NDUFV3: variants seen among roughly 807,000 people sequenced by gnomAD.
The protein encoded by NDUFV3 is NADH:ubiquinone oxidoreductase subunit V3, also known as NADH dehydrogenase [ubiquinone] flavoprotein 3, mitochondrial.
A neutral mutation model predicts 37.5 loss-of-function variants in NDUFV3; 44 were observed. That is an observed-to-expected ratio of 1.17 (90% CI 0.92 to 1.51). NDUFV3 has a LOEUF of 1.51. Ranked by LOEUF, NDUFV3 falls within the 40% of genes most tolerant of loss-of-function variation. NDUFV3 has a pLI of 0.00. For missense variants in NDUFV3, 580 were observed against 580.4 expected (o/e 1.00, Z 0.01); for synonymous variants, 235 against 239.3 (o/e 0.98, Z 0.17).
At chr21:42,904,386 A>G in intron 3 of NDUFV3, 110 bp downstream of exon 3, 1 of 1,454,686 alleles carries the variant, frequency 6.9e-7, no homozygotes, top group South Asian at 1.2e-5. Context: ...CAAATTCTGT[A>G]CTAGAAATAT....
At chr21:42,901,836 A>T (rs193079527) in intron 2 of NDUFV3, among the ~76,000 whole-genome samples, 72 of 152,328 alleles carry the variant, frequency 4.7e-4, no homozygotes, top group African/African-American at 1.6e-3. Context: ...ATTTGAACCC[A>T]GGCATTCTGG....
At chr21:42,896,853 A>G in intron 1 of NDUFV3, 74 bp from the exon 2 acceptor site, 9 of 1,444,792 alleles carry the variant, frequency 6.2e-6, no homozygotes, top group Non-Finnish European at 7.7e-6. Context: ...AAATATATAT[A>G]TATATTCATA....
intron 2 of NDUFV3, among the ~76,000 whole-genome samples, chr21:42,897,740 A>G (rs1329218850): frequency 2.6e-5 from 4 of 151,534 alleles, no homozygotes; most frequent in Admixed American, 6.6e-5. Flanking sequence ...GCAGTGGCGC[A>G]ATCTCGGCTC....
chr21:42,894,389 A>G (rs1176358556), intron 1 of NDUFV3, among the ~76,000 whole-genome samples: 1 of 34,182 alleles, frequency 2.9e-5, no homozygotes, highest in Non-Finnish European at 4.8e-5. Context: ...ATATGTAAAT[A>G]TATATTATAT....
At position 42,903,638 on chromosome 21, in the gene NDUFV3, C is replaced by T. The variant is rs1262058336; in HGVS notation, c.626C>T (p.Thr209Ile). Residue 209 changes from threonine (T) to isoleucine (I), a missense_variant, in exon 3 of 4, where the codon ACC becomes ATC. Thr to Ile is a moderately conservative substitution (Grantham distance 89). Coordinates refer to ENST00000354250, the MANE Select transcript of NDUFV3 (RefSeq NM_021075.4). ...GTTACAGTATCAGCAAAAGAGAAAA[C>T]CTTGCTGCAGAAGCCGCATGTGGAC... is the stretch of plus-strand genomic sequence containing the variant. ...PRVTVSAKEK[T>I]LLQKPHVDIT... 1.9e-6 allele frequency: 3 copies of T among 1,613,956 alleles called. No individual in the cohort carries two copies. The highest frequency in any genetic ancestry group is 2.5e-6 in the Non-Finnish European group (3 of 1,180,010).
intron 2 of NDUFV3, among the ~76,000 whole-genome samples, chr21:42,902,925 C>T (rs1221779491): frequency 1.3e-5 from 2 of 151,996 alleles, no homozygotes; most frequent in African/African-American, 4.8e-5. Context: ...ATGTAAATGC[C>T]ATGTAAATAG....
In NDUFV3 at chr21:42,908,267, C is replaced by T. The variant is rs186121031; in HGVS notation, c.1265-597C>T. Among the ~76,000 whole-genome samples the T allele has an allele frequency of 3.0e-4, 45 of 151,678 alleles. 1 individual carries two copies. The highest frequency in any genetic ancestry group is 8.0e-4 in the African/African-American group (33 of 41,348). ...GGTTTGCAGTGAGCTGAGATCGCACCGCTGCACTCCAGCCTAGACAACAGA... is the reference window on the plus strand; with the variant it reads ...GGTTTGCAGTGAGCTGAGATCGCACTGCTGCACTCCAGCCTAGACAACAGA... On this transcript the variant is annotated intron_variant, in intron 3 of 3. Coordinates refer to ENST00000354250, the MANE Select transcript of NDUFV3 (RefSeq NM_021075.4).
rs1459478423 is a variant in NDUFV3 at position 42,904,120 on chromosome 21, A to G, written c.1108A>G (p.Ile370Val). 9 of 1,614,142 alleles carry G rather than the reference A, an allele frequency of 5.6e-6. No homozygotes were observed. The highest frequency in any genetic ancestry group is 1.3e-5 in the African/African-American group (1 of 74,956). The change falls in exon 3 of 4, where the codon ATC becomes GTC. Residue 370 changes from isoleucine to valine, a missense_variant. Transcript: ENST00000354250. The stretch of plus-strand genomic sequence containing the variant: ...AGGCCACCTGAAGGGTGGACAGGCA[A>G]TCGTGGAAGATCAGATACCACCAAG... Reference protein sequence around the residue: ...IEGHLKGGQAIVEDQIPPSNL... With the variant: ...IEGHLKGGQAVVEDQIPPSNL...
intron 1 of NDUFV3, among the ~76,000 whole-genome samples, chr21:42,894,420 A>G (rs1488901867): frequency 2.0e-5 from 1 of 49,364 alleles, no homozygotes; most frequent in Non-Finnish European, 3.2e-5. Flanking sequence ...TATATAATAT[A>G]TTATATAAAT....
chr21:42,902,683 C>T (rs145230624), intron 2 of NDUFV3, among the ~76,000 whole-genome samples: 290 of 152,272 alleles, frequency 1.9e-3, no homozygotes, highest in Non-Finnish European at 3.6e-3. Context: ...CCATCTCAGG[C>T]TGTGAGATAG....
chr21:42,908,491 C>T (rs2058752339), intron 3 of NDUFV3, among the ~76,000 whole-genome samples: 1 of 151,972 alleles, frequency 6.6e-6, no homozygotes, highest in African/African-American at 2.4e-5. Context: ...TAGGTAAGCA[C>T]CTGTGTGTGA....
rs1420228949 is a variant in NDUFV3, at chr21:42,897,059, A to C, written c.169+12A>C. On this transcript the variant is annotated intron_variant, in intron 2 of 3. Transcript: ENST00000354250. ...AAGTCCACCAAAAAGTAAGATTTTGATGGTAGTCATAAGGGAAAGAGAATG... is the reference window on the plus strand; with the variant it reads ...AAGTCCACCAAAAAGTAAGATTTTGCTGGTAGTCATAAGGGAAAGAGAATG... 6.2e-7 allele frequency: 1 copy of C among 1,613,578 alleles called. No homozygotes were observed. The highest frequency in any genetic ancestry group is 2.2e-5 in the East Asian group (1 of 44,854).
At chr21:42,899,574 A>G (rs541699070) in intron 2 of NDUFV3, among the ~76,000 whole-genome samples, 2 of 152,228 alleles carry the variant, frequency 1.3e-5, no homozygotes, top group South Asian at 4.2e-4. Flanking sequence ...CCTCCCGAAT[A>G]GCTGGGACTA....
chr21:42,909,578 A>G lies in NDUFV3; in HGVS notation c.*557A>G, dbSNP rs967476179. On this transcript the variant is annotated 3_prime_UTR_variant, in exon 4 of 4. Transcript: ENST00000354250. Reference sequence around the variant, plus strand: ...TATGAATCACTGGGCAAATCCATATAATTAGAGAATTTTAAGTGCTTTAGA... The same window carrying G: ...TATGAATCACTGGGCAAATCCATATGATTAGAGAATTTTAAGTGCTTTAGA... 2.9e-5 allele frequency: 5 copies of G among 172,510 alleles called. No homozygotes were observed. Among genetic ancestry groups the G allele is most frequent in the African/African-American group, 9.6e-5 (4 of 41,848 alleles). The allele number at this position is 172,510 out of a possible 1,614,324, so 10.7% of individuals were successfully genotyped here.
At chr21:42,894,480 T>TTATATA (rs1555848225) in intron 1 of NDUFV3, among the ~76,000 whole-genome samples, 515 of 45,404 alleles carry the variant, frequency 0.011, 16 homozygotes, top group African/African-American at 0.049. Context: ...ATATTATATA[T>TTATATA]TTATATATTT....
intron 3 of NDUFV3, among the ~76,000 whole-genome samples, chr21:42,906,480 C>T (rs1448174743): frequency 6.6e-6 from 1 of 152,134 alleles, no homozygotes; most frequent in East Asian, 1.9e-4. Context: ...GCCAGACTTC[C>T]CAGCCCTTAG....
In NDUFV3 at chr21:42,903,342, A is replaced by C; in HGVS notation, c.330A>C (p.Glu110Asp). ...SPSGSVLFTD[E>D]GVPKFLSRKT... ...GTGGCAGCGTGCTATTCACAGATGA[A>C]GGGGTTCCGAAATTTTTGTCAAGAA... Residue 110 changes from glutamate to aspartate, a missense_variant, in exon 3 of 4, where the codon GAA (glutamate) becomes GAC (aspartate). Coordinates refer to ENST00000354250, the MANE Select transcript of NDUFV3 (RefSeq NM_021075.4). 1 of 1,614,198 alleles carries C rather than the reference A, an allele frequency of 6.2e-7. No homozygotes were observed.
Position 42,903,376 on chromosome 21 carries a change from G to C in NDUFV3, c.364G>C (p.Val122Leu). 1 of 1,614,134 alleles carries C rather than the reference G, an allele frequency of 6.2e-7. No homozygotes were observed. Among genetic ancestry groups the C allele is most frequent in the Non-Finnish European group, 8.5e-7 (1 of 1,179,980 alleles). The change falls in exon 3 of 4, where the codon GTA (valine) becomes CTA (leucine). Residue 122 changes from valine to leucine, a missense_variant. By Grantham distance (32) the Val-to-Leu change is conservative. Coordinates refer to ENST00000354250, the MANE Select transcript of NDUFV3 (RefSeq NM_021075.4). ...GAAATTTTTGTCAAGAAAGACTTTG[G>C]TAGAGTTTCCACAGAAAGTTCTGTC... ...VPKFLSRKTL[V>L]EFPQKVLSPF...
At position 42,903,987 on chromosome 21, in the gene NDUFV3, TC is replaced by T; in HGVS notation, c.977del (p.Pro326LeufsTer35). ...ARAEGQLQASPPGAAEGHLEK... is the reference protein window; with the variant it reads ...ARAEGQLQASXPGAAEGHLEK... ...GAGCAGAGGGGCAGCTGCAAGCCAG[TC>T]CTCCTGGGGCGGCAGAGGGGCATCT... On this transcript the variant is annotated frameshift_variant, in exon 3 of 4. Transcript: ENST00000354250. LOFTEE classifies it high-confidence loss of function. 2 of 1,613,974 alleles carry T rather than the reference TC, an allele frequency of 1.2e-6. No homozygotes were observed. The highest frequency in any genetic ancestry group is 1.7e-6 in the Non-Finnish European group (2 of 1,179,996).
Sources: allele counts gnomAD v4.1 joint callset (sites outside exome capture counted in the v4.1 genomes callset), GRCh38; gene constraint gnomAD v4.1.1; transcripts MANE v1.5; gene names NCBI Gene and HGNC (gene_info 2026-07-23, HGNC 2026-07-21).